RNF213: variants seen among roughly 807,000 people sequenced by gnomAD.
RNF213 encodes E3 ubiquitin-protein ligase RNF213.
In RNF213, 341 loss-of-function variants were observed where a neutral mutation model predicts 514.4. That is an observed-to-expected ratio of 0.66 (90% CI 0.61 to 0.73). The LOEUF (loss-of-function observed/expected upper bound fraction) is 0.73, where lower values mean the gene tolerates loss of function less well. RNF213 is among the 30% of genes least tolerant of loss of function. The pLI, the probability that RNF213 is intolerant of heterozygous loss-of-function variation, is 0.00. For missense variants in RNF213, 5,767 were observed against 6,615.6 expected (o/e 0.87, Z 4.45); for synonymous variants, 2,655 against 2,658.2 (o/e 1.00, Z 0.04).
intron 44 of RNF213, 48 bp from the exon 45 acceptor site, chr17:80,369,454 G>C: frequency 6.5e-7 from 1 of 1,539,770 alleles, no homozygotes; most frequent in Non-Finnish European, 9.0e-7. Flanking sequence ...CTGTAAGGAG[G>C]CATTTGGGAA....
chr17:80,314,907 C>A lies in RNF213; in HGVS notation c.2811+1740C>A, dbSNP rs867415117. Among the ~76,000 whole-genome samples the A allele has an allele frequency of 6.0e-3, 15 of 2,490 alleles. 6 individuals carry two copies. Among genetic ancestry groups the A allele is most frequent in the Non-Finnish European group, 8.4e-3 (13 of 1,552 alleles). 1.6% of individuals were successfully genotyped at this position (2,490 alleles called of 152,430 possible). A position where few individuals can be genotyped will look rare whatever the true frequency, so the allele number is the denominator to read the frequency against. ...GGTGGTGGAGGTGATGGTGGAGGTA[C>A]TGGAGGTGATGGTGGTGGTGAAGGT... On this transcript the variant is annotated intron_variant, in intron 15 of 67. Transcript: ENST00000582970.
chr17:80,363,086 CT>C lies in RNF213; in HGVS notation c.11356-10del. The C allele has an allele frequency of 6.2e-7, 1 of 1,606,788 alleles. No homozygotes were observed. Among genetic ancestry groups the C allele is most frequent in the Non-Finnish European group, 8.5e-7 (1 of 1,173,596 alleles). On this transcript the variant is annotated splice_polypyrimidine_tract_variant and intron_variant, in intron 39 of 67. Transcript: ENST00000582970. ...GTAATTTAAAAATATATTCTAAAAGCTTTTTTGAATCCCAGTTTCTGCAGAT... is the reference window on the plus strand; with the variant it reads ...GTAATTTAAAAATATATTCTAAAAGCTTTTTGAATCCCAGTTTCTGCAGAT...
intron 3 of RNF213, among the ~76,000 whole-genome samples, chr17:80,278,435 C>T (rs992850858): frequency 4.6e-5 from 7 of 152,156 alleles, no homozygotes; most frequent in African/African-American, 1.4e-4. Context: ...TGTGGAGGCC[C>T]GGGGCGCCGG....
intron 10 of RNF213, among the ~76,000 whole-genome samples, chr17:80,296,143 C>T (rs2044936414): frequency 1.3e-5 from 2 of 152,186 alleles, no homozygotes; most frequent in South Asian, 4.1e-4. Context: ...CTTCAGCCTC[C>T]TTAGTAGCAG....
chr17:80,362,220 GAATA>G (rs1448816301), intron 39 of RNF213, among the ~76,000 whole-genome samples: 7 of 152,236 alleles, frequency 4.6e-5, no homozygotes, highest in African/African-American at 1.7e-4. Flanking sequence ...TACAGGGTAA[GAATA>G]AACAAGTGAA....
At chr17:80,380,080 T>C (rs1430138927) in intron 55 of RNF213, among the ~76,000 whole-genome samples, 1 of 152,252 alleles carries the variant, frequency 6.6e-6, no homozygotes, top group East Asian at 1.9e-4. Flanking sequence ...CATCCGTCTG[T>C]CTCAGCAGAT....
chr17:80,374,197 G>A (rs12945030), intron 49 of RNF213, among the ~76,000 whole-genome samples: 2,325 of 152,276 alleles, frequency 0.015, 27 homozygotes, highest in Middle Eastern at 0.048. Flanking sequence ...GCGGTGCGCC[G>A]CAAACGGAGG....
intron 20 of RNF213, among the ~76,000 whole-genome samples, chr17:80,330,735 T>G (rs1401523620): frequency 6.6e-6 from 1 of 152,216 alleles, no homozygotes; most frequent in South Asian, 2.1e-4. Context: ...TTCTAGAAAA[T>G]GAACCATCTC....
At chr17:80,342,292 G>C (rs2078175566) in intron 26 of RNF213, among the ~76,000 whole-genome samples, 1 of 152,132 alleles carries the variant, frequency 6.6e-6, no homozygotes. Flanking sequence ...ATTTCACAAT[G>C]CATTTTTCAG....
chr17:80,363,721 A>T lies in RNF213; in HGVS notation c.11681A>T (p.Glu3894Val). The T allele has an allele frequency of 6.2e-7, 1 of 1,613,794 alleles. No individual in the cohort carries two copies. The highest frequency in any genetic ancestry group is 1.1e-5 in the South Asian group (1 of 91,046). Residue 3894 changes from glutamate to valine, a missense_variant, in exon 41 of 68, where the codon GAG becomes GTG. Around this residue, in one of 13 missense-constraint regions of RNF213, gnomAD observed 355 missense variants for 358.0 expected, o/e 0.99. Coordinates refer to ENST00000582970, the MANE Select transcript of RNF213 (RefSeq NM_001256071.3). ...QLVKNLSMPLELICSDEHMQG... is the reference protein window; with the variant it reads ...QLVKNLSMPLVLICSDEHMQG... ...GTGAAGAATCTTTCCATGCCGCTGG[A>T]GCTCATCTGCTCCGATGAGCACATG...
At chr17:80,290,528 A>C (rs761257232) in intron 6 of RNF213, 42 bp from the exon 7 acceptor site, 10 of 1,612,200 alleles carry the variant, frequency 6.2e-6, no homozygotes, top group Non-Finnish European at 8.5e-6. Flanking sequence ...GCAGGTGGAC[A>C]GATCTCACGG....
intron 28 of RNF213, 135 bp from the exon 29 acceptor site, chr17:80,344,541 CTA>C: frequency 1.1e-6 from 1 of 946,604 alleles, no homozygotes; most frequent in South Asian, 1.4e-5. Flanking sequence ...GAAAAAAAGA[CTA>C]TACAGAAAGC....
Position 80,327,920 on chromosome 17 carries a change from A to T in RNF213, c.3298A>T (p.Thr1100Ser), listed in dbSNP as rs1323726821. The T allele has an allele frequency of 2.6e-6, 4 of 1,537,152 alleles. No homozygotes were observed. In the Admixed American group the frequency reaches 5.9e-5, roughly 23 times the overall value. ...TKVVGDLLSG[T>S]ILVGQLELII... Reference sequence around the variant, plus strand: ...AGTTGTTGGTGACCTCCTAAGTGGCACGATTTTAGTTGGACAACTGGAGCT... The same window carrying T: ...AGTTGTTGGTGACCTCCTAAGTGGCTCGATTTTAGTTGGACAACTGGAGCT... The change falls in exon 19 of 68, where the codon ACG becomes TCG. Residue 1100 changes from threonine to serine, a missense_variant. Physicochemically the swap from Thr to Ser is moderately conservative, Grantham distance 58. Transcript: ENST00000582970.
chr17:80,325,732 T>G (rs2046262727), intron 18 of RNF213, among the ~76,000 whole-genome samples: 1 of 151,330 alleles, frequency 6.6e-6, no homozygotes, highest in Non-Finnish European at 1.5e-5. Context: ...GAGAGAGACA[T>G]TCCATCCTAA....
At chr17:80,275,563 A>G (rs1049416404) in intron 3 of RNF213, among the ~76,000 whole-genome samples, 1 of 152,126 alleles carries the variant, frequency 6.6e-6, no homozygotes, top group Non-Finnish European at 1.5e-5. Context: ...AAGACCTGAG[A>G]AGACCTCAGT....
In RNF213 at chr17:80,313,652, T is replaced by TGTGGAGCTGGTG. The variant is rs1468881606; in HGVS notation, c.2811+491_2811+492insCTGGTGGTGGAG. ...AGGTGATGGTGGTGATGGTGATGGT[T>TGTGGAGCTGGTG]GTGGAGGTGATGGTGGAGGTAATGG... On this transcript the variant is annotated intron_variant, in intron 15 of 67. Coordinates refer to ENST00000582970, the MANE Select transcript of RNF213 (RefSeq NM_001256071.3). Among the ~76,000 whole-genome samples, 309 of 62,762 alleles carry TGTGGAGCTGGTG rather than the reference T, an allele frequency of 4.9e-3. 1 individual carries two copies. The highest frequency in any genetic ancestry group is 0.021 in the African/African-American group (288 of 13,988). The allele number at this position is 62,762 out of a possible 152,430, so 41.2% of individuals were successfully genotyped here.
At position 80,316,676 on chromosome 17, in the gene RNF213, G is replaced by T. The variant is rs1032697784; in HGVS notation, c.2812-512G>T. ...ACAGGGAAGGGCTAGGGTCTTAGGA[G>T]ACCCTGCCCAGGTATGTAGTGGCAA... is the stretch of plus-strand genomic sequence containing the variant. On this transcript the variant is annotated intron_variant, in intron 15 of 67. Coordinates refer to ENST00000582970, the MANE Select transcript of RNF213 (RefSeq NM_001256071.3). 1.3e-5 allele frequency: 3 copies of T among 233,604 alleles called. 1 individual carries two copies. The highest frequency in any genetic ancestry group is 3.5e-3 in the Middle Eastern group (2 of 574). The allele number at this position is 233,604 out of a possible 1,614,324, so 14.5% of individuals were successfully genotyped here.
Position 80,363,159 on chromosome 17 carries a change from C to A in RNF213, c.11413C>A (p.Pro3805Thr). ...TRKLKAASEAPEEEVSLPWVH... is the reference protein window; with the variant it reads ...TRKLKAASEATEEEVSLPWVH... ...GAAACTGAAAGCGGCGTCAGAAGCG[C>A]CCGAGGAAGAGGTTTCCTTACCGTG... The change falls in exon 40 of 68, where the codon CCC becomes ACC. Residue 3805 changes from proline (P) to threonine (T), a missense_variant. By Grantham distance (38) the Pro-to-Thr change is conservative. Around this residue, in one of 13 missense-constraint regions of RNF213, gnomAD observed 355 missense variants for 358.0 expected, o/e 0.99. Coordinates refer to ENST00000582970, the MANE Select transcript of RNF213 (RefSeq NM_001256071.3). 6.2e-7 allele frequency: 1 copy of A among 1,614,212 alleles called. No individual in the cohort carries two copies. Among genetic ancestry groups the A allele is most frequent in the Non-Finnish European group, 8.5e-7 (1 of 1,180,036 alleles).
At chr17:80,284,380 A>AAAAAC (rs61511127) in intron 3 of RNF213, among the ~76,000 whole-genome samples, 7,928 of 151,650 alleles carry the variant, frequency 0.052, 300 homozygotes, top group East Asian at 0.19. Context: ...AAACAAAAAC[A>AAAAAC]AAAACAAAAC....
Sources: allele counts gnomAD v4.1 joint callset (sites outside exome capture counted in the v4.1 genomes callset), GRCh38; gene constraint gnomAD v4.1.1; regional missense constraint gnomAD v4.1.1; transcripts MANE v1.5; gene names NCBI Gene and HGNC (gene_info 2026-07-23, HGNC 2026-07-21).